The following COBLL1 variants were observed in gnomAD, a reference collection of about 807,000 sequenced individuals.
The protein encoded by COBLL1 is cordon-bleu protein-like 1.
A neutral mutation model predicts 94.8 loss-of-function variants in COBLL1; 50 were observed. The observed-to-expected ratio is 0.53, with a 90% CI of 0.42 to 0.67. The LOEUF (loss-of-function observed/expected upper bound fraction) is 0.67, where lower values mean the gene tolerates loss of function less well. COBLL1 is among the 30% of genes least tolerant of loss of function. The pLI is 0.00. For synonymous variants in COBLL1, 448 were observed against 473.8 expected (o/e 0.95, Z 0.71); for missense variants, 1,362 against 1,348.7 (o/e 1.01, Z -0.15).
chr2:164,708,465 T>C (rs546602388), intron 7 of COBLL1, among the ~76,000 whole-genome samples: 7 of 152,182 alleles, frequency 4.6e-5, no homozygotes, highest in Admixed American at 6.5e-5. Context: ...TATTTAAATA[T>C]TGTTTTGAAT....
chr2:164,814,161 T>C (rs910444774), intron 2 of COBLL1, among the ~76,000 whole-genome samples: 9 of 152,154 alleles, frequency 5.9e-5, no homozygotes, highest in Non-Finnish European at 1.0e-4. Context: ...ATGAATTACT[T>C]TGTAGAAGCT....
intron 2 of COBLL1, chr2:164,800,509 A>G: frequency 1.4e-6 from 1 of 701,270 alleles, no homozygotes; most frequent in Non-Finnish European, 2.6e-6. Flanking sequence ...ATGGTCTAGA[A>G]GTTTCTTATT....
At chr2:164,819,789 G>T (rs1559047947) in intron 2 of COBLL1, among the ~76,000 whole-genome samples, 1 of 148,068 alleles carries the variant, frequency 6.8e-6, no homozygotes, top group Admixed American at 6.8e-5. Context: ...AGAACATGTA[G>T]TTTTTTTTGC....
intron 10 of COBLL1, among the ~76,000 whole-genome samples, 155 bp downstream of exon 10, chr2:164,700,367 C>A (rs1684185672): frequency 6.6e-6 from 1 of 152,098 alleles, no homozygotes; most frequent in African/African-American, 2.4e-5. Context: ...CAAATAAGTA[C>A]TTCATTAATA....
At chr2:164,667,244 G>A (rs931540834) in intron 1 of COBLL1, among the ~76,000 whole-genome samples, 1 of 152,008 alleles carries the variant, frequency 6.6e-6, no homozygotes, top group Non-Finnish European at 1.5e-5. Context: ...TCAGTAATCC[G>A]TGCTGTAAAC....
At chr2:164,836,533 C>T (rs79740669) in intron 2 of COBLL1, among the ~76,000 whole-genome samples, 2,671 of 152,242 alleles carry the variant, frequency 0.018, 78 homozygotes, top group African/African-American at 0.061. Context: ...AATACTCTTC[C>T]ATTCCTTAGA....
intron 1 of COBLL1, among the ~76,000 whole-genome samples, chr2:164,674,930 G>A (rs1202392276): frequency 6.6e-6 from 1 of 152,180 alleles, no homozygotes; most frequent in Non-Finnish European, 1.5e-5. Flanking sequence ...AATGAAGCAA[G>A]TGAAATTTCA....
intron 2 of COBLL1, among the ~76,000 whole-genome samples, chr2:164,822,071 C>T (rs1236011362): frequency 1.3e-5 from 2 of 152,260 alleles, no homozygotes; most frequent in Non-Finnish European, 1.5e-5. Context: ...TTAATACCCA[C>T]GAGCCTAGGT....
intron 2 of COBLL1, among the ~76,000 whole-genome samples, chr2:164,770,619 A>G (rs998298530): frequency 6.6e-6 from 1 of 152,174 alleles, no homozygotes; most frequent in Admixed American, 6.5e-5. Context: ...ATCTGATTTA[A>G]TGTATAAACA....
intron 2 of COBLL1, among the ~76,000 whole-genome samples, chr2:164,781,122 C>T (rs1438914488): frequency 6.6e-6 from 1 of 152,152 alleles, no homozygotes; most frequent in East Asian, 1.9e-4. Context: ...ATCAAAAACA[C>T]AAAAAGTAAG....
At chr2:164,671,859 T>C (rs1044360473) in intron 1 of COBLL1, among the ~76,000 whole-genome samples, 3 of 152,180 alleles carry the variant, frequency 2.0e-5, no homozygotes, top group Non-Finnish European at 2.9e-5. Flanking sequence ...CTCACCAGTT[T>C]CAATCAGATA....
At chr2:164,700,233 C>T (rs1324830451) in intron 10 of COBLL1, among the ~76,000 whole-genome samples, 14 of 152,074 alleles carry the variant, frequency 9.2e-5, no homozygotes, top group Admixed American at 8.5e-4. Context: ...CATAGGTTAA[C>T]AGGCAAAACA....
chr2:164,818,126 ATATATGTACATG>A (rs1223349402), intron 2 of COBLL1, among the ~76,000 whole-genome samples: 13 of 151,674 alleles, frequency 8.6e-5, no homozygotes, highest in African/African-American at 2.2e-4. Flanking sequence ...GTGCATGTAC[ATATATGTACATG>A]TATATGTACA....
chr2:164,672,723 AAAAAAAT>A, intron 1 of COBLL1, among the ~76,000 whole-genome samples: 1 of 150,948 alleles, frequency 6.6e-6, no homozygotes, highest in African/African-American at 2.4e-5. Context: ...AAAAAAAAAA[AAAAAAAT>A]GACTTTGTAA....
chr2:164,660,683 C>G (rs1691056041), intron 2 of COBLL1, among the ~76,000 whole-genome samples: 1 of 152,144 alleles, frequency 6.6e-6, no homozygotes, highest in Non-Finnish European at 1.5e-5. Context: ...GTTGTTGACT[C>G]ATTTTTCTGG....
At position 164,694,556 on chromosome 2, in the gene COBLL1, C is replaced by T. The variant is rs1182663305; in HGVS notation, c.2836G>A (p.Ala946Thr). Residue 946 changes from alanine to threonine, a missense_variant, in exon 12 of 14, where the codon GCC (alanine) becomes ACC (threonine). Transcript: ENST00000652658. Reference protein sequence around the residue: ...DDVIGQAPAEASPPPIAPKPV... With the variant: ...DDVIGQAPAETSPPPIAPKPV... ...TTTGGAGCTATGGGAGGAGGGGAGG[C>T]TTCAGCAGGAGCCTGACCGATGACA... is the stretch of plus-strand genomic sequence containing the variant. 1.2e-6 allele frequency: 2 copies of T among 1,613,890 alleles called. No homozygotes were observed. The highest frequency in any genetic ancestry group is 1.7e-5 in the Admixed American group (1 of 59,954).
chr2:164,766,780 T>C (rs1687952908), intron 2 of COBLL1, among the ~76,000 whole-genome samples: 1 of 152,190 alleles, frequency 6.6e-6, no homozygotes, highest in South Asian at 2.1e-4. Context: ...CACATGGAAA[T>C]AGTTTAAAGC....
intron 2 of COBLL1, among the ~76,000 whole-genome samples, chr2:164,747,518 C>T (rs1686925418): frequency 6.6e-6 from 1 of 152,180 alleles, no homozygotes. Context: ...GGGTCTGGCT[C>T]TGTCACCTAG....
At chr2:164,818,219 CAT>C (rs1282629039) in intron 2 of COBLL1, among the ~76,000 whole-genome samples, 1 of 136,500 alleles carries the variant, frequency 7.3e-6, no homozygotes, top group African/African-American at 2.8e-5. Context: ...TGTATATATA[CAT>C]ATATACATAT....
Sources: allele counts gnomAD v4.1 joint callset (sites outside exome capture counted in the v4.1 genomes callset), GRCh38; gene constraint gnomAD v4.1.1; transcripts MANE v1.5; gene names NCBI Gene and HGNC (gene_info 2026-07-23, HGNC 2026-07-21).